ARMCX4: variants seen among roughly 807,000 people sequenced by gnomAD.
The protein encoded by ARMCX4 is armadillo repeat containing X-linked 4.
ARMCX4 carries 3 observed loss-of-function variants against 34.7 expected under a neutral mutation model. The ratio of observed to expected loss-of-function variants is 0.09; its 90% CI spans 0.04 to 0.22. The LOEUF is 0.22. ARMCX4 is among the 10% of genes least tolerant of loss of function. The pLI is 1.00. For missense variants in ARMCX4, 1,448 were observed against 1,720.8 expected, an observed-to-expected ratio of 0.84 and a Z score of 2.81; for synonymous variants, 513 against 632.8, an observed-to-expected ratio of 0.81 and a Z score of 2.84.
chrX:101,514,731 T>C (rs1213098949), intron 11 of ARMCX4, among the ~76,000 whole-genome samples: 1 of 111,623 alleles, frequency 9.0e-6, no homozygotes, highest in African/African-American at 3.3e-5. Flanking sequence ...TCCAACATAA[T>C]CAACCTGCCT....
intron 2 of ARMCX4, among the ~76,000 whole-genome samples, chrX:101,437,190 C>G (rs1422296813): frequency 3.6e-5 from 4 of 111,991 alleles, no homozygotes; most frequent in Non-Finnish European, 7.5e-5. Flanking sequence ...CCCTCTTTTT[C>G]TACTGATTGG....
At chrX:101,419,363 A>T (rs187743646) in intron 2 of ARMCX4, among the ~76,000 whole-genome samples, 201 of 111,828 alleles carry the variant, frequency 1.8e-3, no homozygotes, top group African/African-American at 6.2e-3. Flanking sequence ...AAATGTCCCA[A>T]CTTAGATTGT....
chrX:101,452,807 C>T (rs782357154), downstream of ARMCX4, among the ~76,000 whole-genome samples: 2 of 109,872 alleles, frequency 1.8e-5, no homozygotes, highest in Admixed American at 9.8e-5. Flanking sequence ...CTACCCACCT[C>T]GGCCTCCCAA....
intron 2 of ARMCX4, among the ~76,000 whole-genome samples, chrX:101,434,360 G>C (rs1371285120): frequency 9.3e-6 from 1 of 106,962 alleles, no homozygotes; most frequent in Non-Finnish European, 1.9e-5. Flanking sequence ...CGATTCTCCT[G>C]CCTCAGCCTC....
chrX:101,440,231 C>G (rs1443833802), intron 2 of ARMCX4, among the ~76,000 whole-genome samples: 1 of 112,112 alleles, frequency 8.9e-6, no homozygotes. Flanking sequence ...TTGGAGTTTG[C>G]TGGAGGTCCA....
intron 11 of ARMCX4, among the ~76,000 whole-genome samples, chrX:101,513,791 G>T (rs1244210691): frequency 9.1e-6 from 1 of 110,327 alleles, no homozygotes; most frequent in Non-Finnish European, 1.9e-5. Flanking sequence ...GAAGAGTTTG[G>T]GTCTTTATTA....
chrX:101,486,253 A>G (rs1461587175), intron 2 of ARMCX4, among the ~76,000 whole-genome samples, 161 bp downstream of exon 2: 1 of 111,162 alleles, frequency 9.0e-6, no homozygotes, highest in Non-Finnish European at 1.9e-5. Flanking sequence ...TTTAAATTGT[A>G]TGTTGAAGAC....
At chrX:101,440,388 C>CT (rs1395475340) in intron 2 of ARMCX4, among the ~76,000 whole-genome samples, 1 of 112,001 alleles carries the variant, frequency 8.9e-6, no homozygotes, top group Non-Finnish European at 1.9e-5. Flanking sequence ...TCTGCCCCTG[C>CT]TGGGGGGGTG....
chrX:101,446,891 T>C (rs1325158663), downstream of ARMCX4, among the ~76,000 whole-genome samples: 1 of 110,037 alleles, frequency 9.1e-6, no homozygotes. Context: ...GCAGCAGAGG[T>C]TGCAGTGAGC....
intron 4 of ARMCX4, among the ~76,000 whole-genome samples, chrX:101,471,085 C>A (rs1932890106): frequency 8.9e-6 from 1 of 112,196 alleles, no homozygotes; most frequent in Non-Finnish European, 1.9e-5. Flanking sequence ...ATGTTGAGGA[C>A]TAGATATCTA....
chrX:101,518,760 C>T (rs1409103956), intron 11 of ARMCX4, among the ~76,000 whole-genome samples: 1 of 110,931 alleles, frequency 9.0e-6, no homozygotes, highest in African/African-American at 3.3e-5. Context: ...ATTAAAAAAT[C>T]AGAATTGCTA....
At chrX:101,439,672 G>T (rs7473980) in intron 2 of ARMCX4, among the ~76,000 whole-genome samples, 2 of 111,454 alleles carry the variant, frequency 1.8e-5, no homozygotes, top group Admixed American at 9.6e-5. Context: ...GGCTTTGTTC[G>T]TTTCTTTGTA....
chrX:101,501,219 T>A (rs1934291399), intron 7 of ARMCX4, among the ~76,000 whole-genome samples: 1 of 112,567 alleles, frequency 8.9e-6, no homozygotes, highest in Admixed American at 9.4e-5. Context: ...TGAGGAGAAC[T>A]ATAGCAGAAC....
chrX:101,462,694 C>T (rs782294639), intron 4 of ARMCX4, among the ~76,000 whole-genome samples: 1 of 108,861 alleles, frequency 9.2e-6, no homozygotes, highest in African/African-American at 3.3e-5. Flanking sequence ...ATAACCCCCC[C>T]AAAAATTAGA....
rs1934115561 is a variant in ARMCX4 at position 101,494,153 on chromosome X, A to T, written c.5564A>T (p.Asp1855Val). The T allele has an allele frequency of 1.1e-6, 1 of 940,247 alleles. No homozygotes were observed. The highest frequency in any genetic ancestry group is 1.3e-6 in the Non-Finnish European group (1 of 750,056). The allele number at this position is 940,247 out of a possible 1,213,427, so 77.5% of individuals were successfully genotyped here. ...TESGAGIWSW[D>V]GDATTVESRL... ...TCTGGGGCTGGGATTTGGTCCTGGGATGGAGATGCAACCACTGTAGAGTCT... is the reference window on the plus strand; with the variant it reads ...TCTGGGGCTGGGATTTGGTCCTGGGTTGGAGATGCAACCACTGTAGAGTCT... The change falls in exon 6 of 6, where the codon GAT becomes GTT. Residue 1855 changes from aspartate (D) to valine (V), a missense_variant. By Grantham distance (152) the Asp-to-Val change is radical (BLOSUM62 -3). Transcript: ENST00000423738.
At chrX:101,500,492 G>A (rs1934274338), downstream of ARMCX4, among the ~76,000 whole-genome samples, 1 of 111,096 alleles carries the variant, frequency 9.0e-6, no homozygotes, top group Admixed American at 9.6e-5. Context: ...GAATGAAGAG[G>A]TGTGGTCTCC....
intron 2 of ARMCX4, among the ~76,000 whole-genome samples, chrX:101,438,261 G>T (rs782504509): frequency 1.7e-4 from 19 of 111,658 alleles, no homozygotes; most frequent in South Asian, 3.8e-4. Flanking sequence ...TGACAGTGGG[G>T]TGTTAAAGTC....
chrX:101,477,087 C>T (rs1316687145), intron 4 of ARMCX4, among the ~76,000 whole-genome samples: 4 of 110,850 alleles, frequency 3.6e-5, no homozygotes, highest in Middle Eastern at 4.7e-3. Flanking sequence ...TAATAAAATA[C>T]AACTAATCAA....
chrX:101,426,194 G>C (rs1197624582), intron 2 of ARMCX4, among the ~76,000 whole-genome samples: 1 of 111,099 alleles, frequency 9.0e-6, no homozygotes, highest in Non-Finnish European at 1.9e-5. Flanking sequence ...GGGAGTGAGT[G>C]GTTAAAAATA....
Sources: allele counts gnomAD v4.1 joint callset (sites outside exome capture counted in the v4.1 genomes callset), GRCh38; gene constraint gnomAD v4.1.1; transcripts MANE v1.5; gene names NCBI Gene and HGNC (gene_info 2026-07-23, HGNC 2026-07-21).